Variants in FLNB observed in about 807,000 individuals in gnomAD.
FLNB encodes the protein filamin-B.
In FLNB, 111 loss-of-function variants were observed where a neutral mutation model predicts 250.6. That is an observed-to-expected ratio of 0.44 (90% CI 0.38 to 0.52). The LOEUF (loss-of-function observed/expected upper bound fraction) is 0.52, where lower values mean the gene tolerates loss of function less well. FLNB is among the 20% of genes least tolerant of loss of function. The probability of loss-of-function intolerance (pLI) is 0.00; values close to 1 mark genes in which losing one functional copy is unlikely to be tolerated. For missense variants in FLNB, 2,869 were observed against 3,447.8 expected, an observed-to-expected ratio of 0.83 and a Z score of 4.20; for synonymous variants, 1,302 against 1,372.1, an observed-to-expected ratio of 0.95 and a Z score of 1.13.
chr3:58,141,882 G>C lies in FLNB; in HGVS notation c.5134G>C (p.Val1712Leu). ...VMATDGEVTAVEEAPVNACPP... is the reference protein window; with the variant it reads ...VMATDGEVTALEEAPVNACPP... ...GGCCACAGATGGGGAAGTCACAGCC[G>C]TGGAGGAGGCACCGGTAAATGCATG... The change falls in exon 30 of 46, where the codon GTG (valine) becomes CTG (leucine). Residue 1712 changes from valine to leucine, a missense_variant. Coordinates refer to ENST00000295956, the MANE Select transcript of FLNB (RefSeq NM_001457.4). 4.3e-6 allele frequency: 7 copies of C among 1,614,216 alleles called. No individual in the cohort carries two copies. Among genetic ancestry groups the C allele is most frequent in the Non-Finnish European group, 5.9e-6 (7 of 1,180,022 alleles).
intron 1 of FLNB, among the ~76,000 whole-genome samples, chr3:58,021,753 G>C (rs534877958): frequency 6.6e-6 from 1 of 151,802 alleles, no homozygotes; most frequent in African/African-American, 2.4e-5. Flanking sequence ...GTCCTCTCCT[G>C]GGCACCCAAC....
chr3:58,075,272 T>C lies in FLNB; in HGVS notation c.293-1774T>C, dbSNP rs965979523. ...AGTCACTCCTCAACAAGCGGCTTAG[T>C]TCTGGAATGAGGTGGGAGGCCAAGG... is the stretch of plus-strand genomic sequence containing the variant. On this transcript the variant is annotated intron_variant, in intron 1 of 45. Coordinates refer to ENST00000295956, the MANE Select transcript of FLNB (RefSeq NM_001457.4). Among the ~76,000 whole-genome samples, 6 of 152,152 alleles carry C rather than the reference T, an allele frequency of 3.9e-5. No individual in the cohort carries two copies. The East Asian group carries it at 7.7e-4, about 20-fold the overall frequency.
intron 19 of FLNB, among the ~76,000 whole-genome samples, chr3:58,120,961 C>G (rs1239707861): frequency 6.6e-6 from 1 of 152,216 alleles, no homozygotes; most frequent in East Asian, 1.9e-4. Flanking sequence ...AAAATTAAGA[C>G]AATAACCTAT....
chr3:58,013,386 A>C (rs1331422518), intron 1 of FLNB, among the ~76,000 whole-genome samples: 2 of 152,224 alleles, frequency 1.3e-5, no homozygotes, highest in Non-Finnish European at 2.9e-5. Context: ...GTGGTGGGTC[A>C]CTGGTCCAGT....
At chr3:58,148,163 TAAC>T (rs1284607825) in intron 34 of FLNB, 40 bp from the exon 35 acceptor site, 14 of 1,607,910 alleles carry the variant, frequency 8.7e-6, no homozygotes, top group Non-Finnish European at 9.4e-6. Flanking sequence ...GAAGCCAGGG[TAAC>T]CACATGTAAC....
Position 58,102,203 on chromosome 3 carries a change from C to T in FLNB, c.1346C>T (p.Ala449Val), listed in dbSNP as rs1441992629. The T allele has an allele frequency of 1.2e-6, 2 of 1,614,066 alleles. No homozygotes were observed. The highest frequency in any genetic ancestry group is 2.7e-5 in the African/African-American group (2 of 74,938). Reference sequence around the variant, plus strand: ...ATTGATGTCAAAACTGTGCTTGCAGCCTGCAATCCAAATGCCTGCCGGGCC... The same window carrying T: ...ATTGATGTCAAAACTGTGCTTGCAGTCTGCAATCCAAATGCCTGCCGGGCC... Reference protein sequence around the residue: ...KSPFVVQVGEACNPNACRASG... With the variant: ...KSPFVVQVGEVCNPNACRASG... Residue 449 changes from alanine to valine, a missense_variant and splice_region_variant, in exon 9 of 46, where the codon GCC becomes GTC. Ala to Val is a moderately conservative substitution (Grantham distance 64). This residue lies in a region of FLNB where 1,348 missense variants were observed against 1,466.7 expected (regional missense o/e 0.92). Coordinates refer to ENST00000295956, the MANE Select transcript of FLNB (RefSeq NM_001457.4).
At chr3:58,139,820 C>T (rs564235021) in intron 29 of FLNB, among the ~76,000 whole-genome samples, 2 of 152,212 alleles carry the variant, frequency 1.3e-5, no homozygotes, top group South Asian at 2.1e-4. Context: ...AGCAGCCAAG[C>T]ACTGAGCAGT....
Position 58,142,100 on chromosome 3 carries a change from C to A in FLNB, c.5181+171C>A, listed in dbSNP as rs34336464. On this transcript the variant is annotated intron_variant, in intron 30 of 45. Transcript: ENST00000295956. The surrounding 1 kb of genome is among the most constrained non-coding windows in gnomAD (Gnocchi z 4.3). ...ATCCCTGCTTTTTCTGTAATAAGATCACCTTTGCGTCACCATCCGTGCTCC... is the reference window on the plus strand; with the variant it reads ...ATCCCTGCTTTTTCTGTAATAAGATAACCTTTGCGTCACCATCCGTGCTCC... 6.6e-6 allele frequency among the ~76,000 whole-genome samples: 1 copy of A among 152,034 alleles called. No individual in the cohort carries two copies. Among genetic ancestry groups the A allele is most frequent in the Non-Finnish European group, 1.5e-5 (1 of 67,986 alleles).
chr3:58,054,759 A>T (rs2097167692), intron 1 of FLNB, among the ~76,000 whole-genome samples: 1 of 152,168 alleles, frequency 6.6e-6, no homozygotes, highest in African/African-American at 2.4e-5. Context: ...TAGCCAAGCC[A>T]CATCAGTGTT....
chr3:58,028,611 C>A (rs7642772), intron 1 of FLNB, among the ~76,000 whole-genome samples: 104,976 of 145,852 alleles, frequency 0.72, 37,715 homozygotes, highest in East Asian at 0.95. Context: ...ATTTTTTTTT[C>A]TTTTCTTTTT....
chr3:58,079,375 C>G (rs1315491506), intron 3 of FLNB, among the ~76,000 whole-genome samples: 1 of 151,912 alleles, frequency 6.6e-6, no homozygotes, highest in Non-Finnish European at 1.5e-5. Context: ...GCCTCAGCCT[C>G]CTGAGTAGCT....
intron 3 of FLNB, among the ~76,000 whole-genome samples, chr3:58,080,499 T>TA (rs2097207610): frequency 6.6e-6 from 1 of 151,048 alleles, no homozygotes; most frequent in Admixed American, 6.6e-5. Context: ...TCCCTATTTT[T>TA]TTTTTTTTTT....
chr3:58,169,926 C>T lies in FLNB; in HGVS notation c.7621+133C>T, dbSNP rs1464368298. ...AGGCCAGCCGTTTGCAAGTAACCAT[C>T]GTCATGACCCTGTTCTCCTGCACTT... On this transcript the variant is annotated intron_variant, in intron 45 of 45. Coordinates refer to ENST00000295956, the MANE Select transcript of FLNB (RefSeq NM_001457.4). This position sits in a 1 kb window ranked among gnomAD's most constrained non-coding sequence, Gnocchi z 4.8. The T allele has an allele frequency of 1.7e-5, 11 of 639,740 alleles. No individual in the cohort carries two copies. The highest frequency in any genetic ancestry group is 5.8e-5 in the South Asian group (3 of 52,058). The allele number at this position is 639,740 out of a possible 1,614,324, so 39.6% of individuals were successfully genotyped here. A position where few individuals can be genotyped will look rare whatever the true frequency, so the allele number is the denominator to read the frequency against.
At chr3:58,028,668 C>T (rs1300702895) in intron 1 of FLNB, among the ~76,000 whole-genome samples, 1 of 148,922 alleles carries the variant, frequency 6.7e-6, no homozygotes, top group Non-Finnish European at 1.5e-5. Context: ...GGCTAGAGTG[C>T]AATGGCATGA....
At position 58,121,330 on chromosome 3, in the gene FLNB, T is replaced by C. The variant is rs753564991; in HGVS notation, c.2953T>C (p.Ser985Pro). Residue 985 changes from serine to proline, a missense_variant, in exon 20 of 46, where the codon TCT (serine) becomes CCT (proline). Around this residue, in one of 5 missense-constraint regions of FLNB, gnomAD observed 1,348 missense variants for 1,466.7 expected, o/e 0.92. Transcript: ENST00000295956. ...GKLDVTILSP[S>P]RKVVPCLVTP... ...GCTGGACGTGACAATCCTCAGCCCC[T>C]CTCGGAAGGTCGTGCCATGCCTAGT... The C allele has an allele frequency of 6.2e-7, 1 of 1,613,982 alleles. No homozygotes were observed. The highest frequency in any genetic ancestry group is 1.1e-5 in the South Asian group (1 of 91,046).
rs998829209 is a variant in FLNB at position 58,102,229 on chromosome 3, A to G, written c.1372A>G (p.Ser458Gly). 7.4e-6 allele frequency: 12 copies of G among 1,614,136 alleles called. No homozygotes were observed. The highest frequency in any genetic ancestry group is 1.0e-5 in the Non-Finnish European group (12 of 1,180,042). The change falls in exon 9 of 46, where the codon AGT becomes GGT. Residue 458 changes from serine to glycine, a missense_variant. By Grantham distance (56) the Ser-to-Gly change is moderately conservative. This residue lies in a region of FLNB where 1,348 missense variants were observed against 1,466.7 expected (regional missense o/e 0.92). Coordinates refer to ENST00000295956, the MANE Select transcript of FLNB (RefSeq NM_001457.4). ...EACNPNACRA[S>G]GRGLQPKGVR... ...CTGCAATCCAAATGCCTGCCGGGCCAGTGGCCGAGGCCTACAACCCAAAGG... is the reference window on the plus strand; with the variant it reads ...CTGCAATCCAAATGCCTGCCGGGCCGGTGGCCGAGGCCTACAACCCAAAGG...
intron 20 of FLNB, among the ~76,000 whole-genome samples, chr3:58,122,730 C>T (rs1485193071): frequency 6.6e-6 from 1 of 152,156 alleles, no homozygotes; most frequent in African/African-American, 2.4e-5. Context: ...CCACAAGAGC[C>T]CTTCCATGAG....
chr3:58,102,105 G>C (rs2097252094), intron 8 of FLNB, 98 bp from the exon 9 acceptor site: 6 of 1,428,378 alleles, frequency 4.2e-6, no homozygotes, highest in Non-Finnish European at 4.9e-6. Context: ...TTTGTGCAAA[G>C]CAAATATTTT....
chr3:58,102,407 A>T, intron 9 of FLNB, 67 bp downstream of exon 9: 1 of 1,538,208 alleles, frequency 6.5e-7, no homozygotes, highest in African/African-American at 1.4e-5. Context: ...TGGCATATGG[A>T]TTTCATCCCA....
Sources: gnomAD v4.1 joint callset for allele counts (sites outside exome capture counted in the v4.1 genomes callset) on GRCh38, gnomAD v4.1.1 for gene constraint, gnomAD v4.1.1 regional missense constraint, Gnocchi (gnomAD v3.1) non-coding constraint, MANE v1.5 for transcripts, NCBI Gene and HGNC (gene_info 2026-07-23, HGNC 2026-07-21) for gene names.